Variants in ZSWIM6 observed in about 807,000 individuals in gnomAD.
ZSWIM6 encodes zinc finger SWIM-type containing 6.
ZSWIM6 carries 9 observed loss-of-function variants against 113.2 expected under a neutral mutation model. The ratio of observed to expected loss-of-function variants is 0.08; its 90% CI spans 0.05 to 0.14. The LOEUF is 0.14. Ranked by LOEUF, ZSWIM6 falls within the 10% of genes least tolerant of loss-of-function variation. The pLI is 1.00. For missense variants in ZSWIM6, 1,162 were observed against 1,552.2 expected, an observed-to-expected ratio of 0.75 and a Z score of 4.22; for synonymous variants, 611 against 606.5, an observed-to-expected ratio of 1.01 and a Z score of -0.11.
intron 1 of ZSWIM6, among the ~76,000 whole-genome samples, chr5:61,341,838 TG>T (rs1744555016): frequency 2.0e-5 from 3 of 151,584 alleles, no homozygotes; most frequent in African/African-American, 7.3e-5. Flanking sequence ...TTCACATAAA[TG>T]ATGTGGTCTC....
In ZSWIM6 at chr5:61,453,626, T is replaced by C. The variant is rs192874252; in HGVS notation, c.677-19055T>C. Among the ~76,000 whole-genome samples, 111 of 152,240 alleles carry C rather than the reference T, an allele frequency of 7.3e-4. 2 individuals carry two copies. The East Asian group carries it at 0.017, about 24-fold the overall frequency. On this transcript the variant is annotated intron_variant, in intron 1 of 13. Transcript: ENST00000252744. ...CCTGGGCTCAAGCAGTCCACTTGCCTTGACCTCCCAAAGTGCTGGGATTAC... is the reference window on the plus strand; with the variant it reads ...CCTGGGCTCAAGCAGTCCACTTGCCCTGACCTCCCAAAGTGCTGGGATTAC...
At chr5:61,483,894 T>TA (rs1050486502) in intron 2 of ZSWIM6, among the ~76,000 whole-genome samples, 96 of 149,700 alleles carry the variant, frequency 6.4e-4, no homozygotes, top group African/African-American at 1.7e-3. Context: ...AATAAATAAA[T>TA]AAATAAAATA....
intron 1 of ZSWIM6, among the ~76,000 whole-genome samples, chr5:61,435,824 T>A (rs1380077435): frequency 6.6e-6 from 1 of 152,156 alleles, no homozygotes; most frequent in Non-Finnish European, 1.5e-5. Context: ...TGATTTAAGG[T>A]GGGATATCAC....
At chr5:61,496,505 T>C (rs866627025) in intron 4 of ZSWIM6, among the ~76,000 whole-genome samples, 30 of 152,182 alleles carry the variant, frequency 2.0e-4, no homozygotes, top group African/African-American at 5.8e-4. Context: ...AGGGCTCACA[T>C]TGCTTCAAGG....
At chr5:61,532,202 G>A (rs1749455316) in intron 9 of ZSWIM6, among the ~76,000 whole-genome samples, 1 of 152,174 alleles carries the variant, frequency 6.6e-6, no homozygotes, top group African/African-American at 2.4e-5. Flanking sequence ...ACTGAGGGCT[G>A]TGCGAGTGAA....
chr5:61,337,151 G>T (rs1744417388), intron 1 of ZSWIM6, among the ~76,000 whole-genome samples: 1 of 152,074 alleles, frequency 6.6e-6, no homozygotes, highest in African/African-American at 2.4e-5. Flanking sequence ...GCGGTTGCGG[G>T]CGTCTGTAAT....
intron 1 of ZSWIM6, among the ~76,000 whole-genome samples, chr5:61,400,320 CTT>C (rs1745921046): frequency 6.6e-6 from 1 of 152,208 alleles, no homozygotes; most frequent in Admixed American, 6.5e-5. Context: ...CTCCCTCCCT[CTT>C]TGATGTGATT....
intron 1 of ZSWIM6, among the ~76,000 whole-genome samples, chr5:61,440,849 A>C (rs1746814713): frequency 6.6e-6 from 1 of 152,184 alleles, no homozygotes; most frequent in Non-Finnish European, 1.5e-5. Context: ...AAGATGAATA[A>C]AACAGCTTAC....
intron 1 of ZSWIM6, among the ~76,000 whole-genome samples, chr5:61,376,861 T>C (rs1272464838): frequency 1.3e-5 from 2 of 150,172 alleles, no homozygotes; most frequent in East Asian, 1.9e-4. Context: ...TTAAGTTCAT[T>C]ACTATGTTTA....
At chr5:61,352,096 C>G (rs532480278) in intron 1 of ZSWIM6, among the ~76,000 whole-genome samples, 1 of 152,180 alleles carries the variant, frequency 6.6e-6, no homozygotes, top group Non-Finnish European at 1.5e-5. Context: ...GCACAATGTC[C>G]TCTCCTGCCT....
chr5:61,500,100 TTTA>T (rs61415779), intron 4 of ZSWIM6, among the ~76,000 whole-genome samples: 4,807 of 145,284 alleles, frequency 0.033, 251 homozygotes, highest in African/African-American at 0.11. Flanking sequence ...TGTCCTCAGC[TTTA>T]TTATTATTAT....
intron 1 of ZSWIM6, among the ~76,000 whole-genome samples, chr5:61,453,206 T>C (rs1336243322): frequency 6.6e-6 from 1 of 152,232 alleles, no homozygotes; most frequent in East Asian, 1.9e-4. Context: ...TTTTAGTTTA[T>C]TGTTTTTAAT....
At chr5:61,455,863 G>A (rs946268206) in intron 1 of ZSWIM6, among the ~76,000 whole-genome samples, 37 of 131,126 alleles carry the variant, frequency 2.8e-4, no homozygotes, top group African/African-American at 1.1e-3. Flanking sequence ...AAGGAAGCTA[G>A]GGAAGTGTTG....
chr5:61,464,310 C>T (rs1482842045), intron 1 of ZSWIM6, among the ~76,000 whole-genome samples: 1 of 151,684 alleles, frequency 6.6e-6, no homozygotes, highest in Non-Finnish European at 1.5e-5. Flanking sequence ...CGTGAGCCAC[C>T]ATGCCTTGCC....
intron 1 of ZSWIM6, among the ~76,000 whole-genome samples, chr5:61,334,536 G>T (rs1057465487): frequency 2.0e-5 from 3 of 152,036 alleles, no homozygotes; most frequent in East Asian, 1.9e-4. Flanking sequence ...GTCTGGATAG[G>T]GTCCCCAAGA....
At chr5:61,426,607 A>AT (rs555188258) in intron 1 of ZSWIM6, among the ~76,000 whole-genome samples, 20 of 149,764 alleles carry the variant, frequency 1.3e-4, no homozygotes, top group African/African-American at 2.2e-4. Flanking sequence ...TCTTCATGGG[A>AT]TTTTTTTTTT....
intron 4 of ZSWIM6, among the ~76,000 whole-genome samples, chr5:61,507,062 A>T (rs1206875497): frequency 1.3e-5 from 2 of 152,208 alleles, no homozygotes; most frequent in Non-Finnish European, 2.9e-5. Context: ...AGAGAAGGTG[A>T]TGCTGGTTGT....
chr5:61,348,354 T>G (rs1018080145), intron 1 of ZSWIM6, among the ~76,000 whole-genome samples: 1 of 152,252 alleles, frequency 6.6e-6, no homozygotes. Context: ...AAAATTCATG[T>G]AGCCGTATTT....
intron 3 of ZSWIM6, 134 bp from the exon 4 acceptor site, chr5:61,494,125 CA>C: frequency 2.5e-6 from 2 of 815,722 alleles, no homozygotes; most frequent in Non-Finnish European, 1.8e-6. Context: ...TCCTCCACCA[CA>C]CACACACACA....
Sources: gnomAD v4.1 joint callset for allele counts (sites outside exome capture counted in the v4.1 genomes callset) on GRCh38, gnomAD v4.1.1 for gene constraint, MANE v1.5 for transcripts, NCBI Gene and HGNC (gene_info 2026-07-23, HGNC 2026-07-21) for gene names.